The following STIM2 variants were observed in gnomAD, a reference collection of about 807,000 sequenced individuals.
STIM2 encodes the protein stromal interaction molecule 2.
Under a neutral mutation model 85.8 loss-of-function variants are expected in STIM2, and 31 were observed. The observed-to-expected ratio is 0.36, with a 90% CI of 0.27 to 0.49. The LOEUF (loss-of-function observed/expected upper bound fraction) is 0.49, where lower values mean the gene tolerates loss of function less well. STIM2 is among the 20% of genes least tolerant of loss of function. STIM2 has a pLI of 0.98. For synonymous variants in STIM2, 356 were observed against 331.1 expected (o/e 1.08, Z -0.82); for missense variants, 841 against 927.6 (o/e 0.91, Z 1.21).
intron 11 of STIM2, 94 bp from the exon 12 acceptor site, chr4:27,022,425 A>G (rs1728944031): frequency 9.6e-7 from 1 of 1,045,520 alleles, no homozygotes; most frequent in Non-Finnish European, 1.4e-6. Context: ...TTAAATTTCA[A>G]AAAGCAATGA....
chr4:26,867,737 G>C (rs1318416737), intron 1 of STIM2, among the ~76,000 whole-genome samples: 1 of 152,152 alleles, frequency 6.6e-6, no homozygotes, highest in Non-Finnish European at 1.5e-5. Flanking sequence ...TAGCTATCTA[G>C]ATCTTTATAT....
intron 3 of STIM2, among the ~76,000 whole-genome samples, chr4:26,985,149 A>G (rs1727536676): frequency 6.6e-6 from 1 of 152,224 alleles, no homozygotes; most frequent in African/African-American, 2.4e-5. Flanking sequence ...CTGAGCATCT[A>G]AAGTCTCGTT....
intron 11 of STIM2, among the ~76,000 whole-genome samples, chr4:27,019,191 A>G (rs1728831852): frequency 6.6e-6 from 1 of 152,190 alleles, no homozygotes; most frequent in African/African-American, 2.4e-5. Context: ...ACTCTTTATC[A>G]TGTGACTCTT....
chr4:27,019,433 G>A (rs1728842219), intron 11 of STIM2: 1 of 1,289,742 alleles, frequency 7.8e-7, no homozygotes, highest in Non-Finnish European at 1.0e-6. Context: ...TGCCTTTACT[G>A]ACAGAACTGG....
intron 1 of STIM2, among the ~76,000 whole-genome samples, chr4:26,896,145 A>G (rs1723691140): frequency 6.6e-6 from 1 of 152,176 alleles, no homozygotes; most frequent in South Asian, 2.1e-4. Context: ...GCTCCTAGGA[A>G]TAGCCTGTTG....
intron 3 of STIM2, among the ~76,000 whole-genome samples, chr4:26,964,706 G>A (rs1004057616): frequency 6.6e-6 from 1 of 152,088 alleles, no homozygotes; most frequent in Non-Finnish European, 1.5e-5. Flanking sequence ...CTTGTCCTAG[G>A]TACAAAAGAT....
chr4:26,890,081 C>G (rs1159279011), intron 1 of STIM2, among the ~76,000 whole-genome samples: 1 of 152,176 alleles, frequency 6.6e-6, no homozygotes, highest in Non-Finnish European at 1.5e-5. Context: ...AAAGTTCTGT[C>G]CACAGGAGAG....
intron 2 of STIM2, among the ~76,000 whole-genome samples, chr4:26,952,617 A>G (rs1365702113): frequency 6.6e-6 from 1 of 152,104 alleles, no homozygotes; most frequent in East Asian, 1.9e-4. Flanking sequence ...TCATAAAACA[A>G]GTAGGAGATT....
intron 2 of STIM2, among the ~76,000 whole-genome samples, chr4:26,942,880 C>T (rs556008312): frequency 5.9e-5 from 9 of 152,232 alleles, no homozygotes; most frequent in Non-Finnish European, 1.2e-4. Flanking sequence ...GTAACCGAGT[C>T]CTGAGCTCTG....
In STIM2 at chr4:26,860,888, C is replaced by T. The variant is rs1412726511; in HGVS notation, c.-331C>T. 12 of 1,013,764 alleles carry T rather than the reference C, an allele frequency of 1.2e-5. No individual in the cohort carries two copies. Among genetic ancestry groups the T allele is most frequent in the Middle Eastern group, 6.3e-4 (2 of 3,194 alleles). The allele number at this position is 1,013,764 out of a possible 1,614,324, so 62.8% of individuals were successfully genotyped here. On this transcript the variant is annotated 5_prime_UTR_variant, in exon 1 of 12. Coordinates refer to ENST00000467087, the MANE Select transcript of STIM2 (RefSeq NM_020860.4). The stretch of plus-strand genomic sequence containing the variant: ...CCGCAGCAGCAGCGCGGGTGTCGTG[C>T]ACCGCCTGAAGACGCCGTACCTTTC...
intron 3 of STIM2, among the ~76,000 whole-genome samples, chr4:26,961,516 G>A (rs780252801): frequency 1.5e-4 from 23 of 152,242 alleles, no homozygotes; most frequent in Middle Eastern, 6.8e-3. Context: ...GGATCCTGGG[G>A]ATTAATGATG....
chr4:26,866,439 A>G (rs1245483642), intron 1 of STIM2, among the ~76,000 whole-genome samples: 1 of 152,158 alleles, frequency 6.6e-6, no homozygotes, highest in Non-Finnish European at 1.5e-5. Context: ...AGGAGAAAGG[A>G]AGAGGCTGTT....
chr4:26,890,510 C>T (rs187787797), intron 1 of STIM2, among the ~76,000 whole-genome samples: 102 of 152,178 alleles, frequency 6.7e-4, no homozygotes, highest in African/African-American at 2.3e-3. Flanking sequence ...TCTAATAAGG[C>T]CCCGTAGCAA....
At chr4:26,945,097 AC>A (rs1372727234) in intron 2 of STIM2, among the ~76,000 whole-genome samples, 1 of 150,916 alleles carries the variant, frequency 6.6e-6, no homozygotes, top group African/African-American at 2.4e-5. Context: ...CCCTCTTTTT[AC>A]CCCCCACCCT....
intron 5 of STIM2, among the ~76,000 whole-genome samples, chr4:27,000,057 T>C (rs1474058895): frequency 6.6e-6 from 1 of 152,160 alleles, no homozygotes; most frequent in Non-Finnish European, 1.5e-5. Flanking sequence ...ATTATGTTTT[T>C]TTTTTTTAGT....
intron 1 of STIM2, among the ~76,000 whole-genome samples, chr4:26,900,382 G>T (rs939236231): frequency 6.6e-6 from 1 of 152,148 alleles, no homozygotes; most frequent in Admixed American, 6.5e-5. Flanking sequence ...GGGGGAAAGA[G>T]GAATTTTAAG....
At chr4:27,002,435 A>G (rs1174125584) in intron 6 of STIM2, 41 bp downstream of exon 6, 5 of 1,513,456 alleles carry the variant, frequency 3.3e-6, no homozygotes, top group Non-Finnish European at 4.4e-6. Flanking sequence ...GTAGGCAAAT[A>G]CAATTTGTAA....
intron 3 of STIM2, among the ~76,000 whole-genome samples, chr4:26,962,854 C>T (rs1374641641): frequency 6.6e-6 from 1 of 152,000 alleles, no homozygotes; most frequent in Non-Finnish European, 1.5e-5. Context: ...TTAAGTAAGA[C>T]ACTGTTTTTA....
At chr4:26,964,633 G>A (rs1368558816) in intron 3 of STIM2, among the ~76,000 whole-genome samples, 1 of 152,060 alleles carries the variant, frequency 6.6e-6, no homozygotes, top group Non-Finnish European at 1.5e-5. Flanking sequence ...GCTTGGAGGG[G>A]GGGTTTATTT....
Sources: allele counts gnomAD v4.1 joint callset (sites outside exome capture counted in the v4.1 genomes callset), GRCh38; gene constraint gnomAD v4.1.1; transcripts MANE v1.5; gene names NCBI Gene and HGNC (gene_info 2026-07-23, HGNC 2026-07-21).